Variants in ZFP62 observed in about 807,000 individuals in gnomAD.
ZFP62 encodes zinc finger protein 62 homolog.
ZFP62 carries 44 observed loss-of-function variants against 56.4 expected under a neutral mutation model. That is an observed-to-expected ratio of 0.78 (90% CI 0.61 to 1.00). The LOEUF (loss-of-function observed/expected upper bound fraction) is 1.00. ZFP62 is among the 50% of genes least tolerant of loss of function. The probability of loss-of-function intolerance (pLI) is 0.00; values close to 1 mark genes in which losing one functional copy is unlikely to be tolerated. For missense variants in ZFP62, 1,030 were observed against 1,085.7 expected (o/e 0.95, Z 0.72); for synonymous variants, 421 against 388.9 (o/e 1.08, Z -0.97).
intron 1 of ZFP62, among the ~76,000 whole-genome samples, chr5:180,854,130 T>A (rs1346154813): frequency 6.6e-6 from 1 of 152,162 alleles, no homozygotes; most frequent in Admixed American, 6.5e-5. Context: ...TTACCATTAT[T>A]TACTAAAAGG....
chr5:180,849,750 A>C lies in ZFP62; in HGVS notation c.1745T>G (p.Val582Gly). The stretch of plus-strand genomic sequence containing the variant: ...CTTAAAGGGCTTCTCCCCAGGGTGT[A>C]CACTTTTATGATTTATAAGGCTCGA... ...SLSSLINHKSVHPGEKPFKCD... is the reference protein window; with the variant it reads ...SLSSLINHKSGHPGEKPFKCD... Residue 582 changes from valine (V) to glycine (G), a missense_variant, in exon 2 of 2, where the codon GTA becomes GGA. Coordinates refer to ENST00000502412, the MANE Select transcript of ZFP62 (RefSeq NM_001172638.2). 2 of 1,551,898 alleles carry C rather than the reference A, an allele frequency of 1.3e-6. 1 individual carries two copies. The highest frequency in any genetic ancestry group is 3.3e-4 in the Middle Eastern group (2 of 5,996).
At chr5:180,851,857 G>T in intron 1 of ZFP62, 3 of 253,378 alleles carry the variant, frequency 1.2e-5, no homozygotes, top group Non-Finnish European at 2.0e-5. Flanking sequence ...AAACAAGAGG[G>T]CAGAAGAAAT....
the ZFP62 span, chr5:180,831,648 C>G: frequency 6.6e-6 from 1 of 152,596 alleles, no homozygotes; most frequent in Non-Finnish European, 1.5e-5. Context: ...CCGAGCTGCG[C>G]ACACCCGGGT....
chr5:180,845,596 T>C (rs964490834), downstream of ZFP62: 7 of 472,478 alleles, frequency 1.5e-5, no homozygotes, highest in African/African-American at 1.0e-4. Flanking sequence ...ATTGAAGTAC[T>C]GTATTCTGCT....
At chr5:180,856,464 C>T (rs1034973224) in intron 1 of ZFP62, among the ~76,000 whole-genome samples, 4 of 152,142 alleles carry the variant, frequency 2.6e-5, no homozygotes, top group Non-Finnish European at 5.9e-5. Flanking sequence ...ATAAACAATA[C>T]TGGAGATGCA....
rs1756067356 is a variant in ZFP62 at position 180,861,191 on chromosome 5, G to C, written c.1+28C>G. On this transcript the variant is annotated intron_variant, in intron 1 of 1. Transcript: ENST00000502412. ...CGTGGCAGGCAAGGGCCGGGGGCGG[G>C]AGCGCGGGCGGCCGCGGACTCACGT... The C allele has an allele frequency of 2.0e-5, 8 of 398,260 alleles. No homozygotes were observed. The Admixed American group carries it at 3.5e-4, about 18-fold the overall frequency. 24.7% of individuals were successfully genotyped at this position (398,260 alleles called of 1,614,324 possible). A position where few individuals can be genotyped will look rare whatever the true frequency, so the allele number is the denominator to read the frequency against.
rs1243838637 is a variant in ZFP62 at position 180,847,906 on chromosome 5, T to C, written c.*886A>G. ...CAGCATTTCTATTCATAGGAATCCC[T>C]GAATCACTTCTGTCATGTAAGGTGC... On this transcript the variant is annotated 3_prime_UTR_variant, in exon 2 of 2. Coordinates refer to ENST00000502412, the MANE Select transcript of ZFP62 (RefSeq NM_001172638.2). 16 of 985,366 alleles carry C rather than the reference T, an allele frequency of 1.6e-5. No individual in the cohort carries two copies. Among genetic ancestry groups the C allele is most frequent in the Non-Finnish European group, 2.4e-6 (2 of 829,946 alleles). The allele number at this position is 985,366 out of a possible 1,614,324, so 61.0% of individuals were successfully genotyped here. A position where few individuals can be genotyped will look rare whatever the true frequency, so the allele number is the denominator to read the frequency against.
chr5:180,857,213 G>A (rs1774033502), intron 1 of ZFP62, among the ~76,000 whole-genome samples: 3 of 152,114 alleles, frequency 2.0e-5, no homozygotes, highest in South Asian at 4.1e-4. Context: ...ACTTGGATAT[G>A]CGTTTTGGAA....
the ZFP62 span, chr5:180,830,652 C>CTG: frequency 6.6e-6 from 1 of 151,984 alleles, no homozygotes; most frequent in Non-Finnish European, 1.5e-5. Flanking sequence ...CCATCAGGGT[C>CTG]TCAGTCAGTC....
chr5:180,849,685 G>A lies in ZFP62; in HGVS notation c.1810C>T (p.Leu604Phe). The A allele has an allele frequency of 2.6e-6, 4 of 1,551,822 alleles. No individual in the cohort carries two copies. Among genetic ancestry groups the A allele is most frequent in the East Asian group, 2.4e-5 (1 of 40,908 alleles). The change falls in exon 2 of 2, where the codon CTT (leucine) becomes TTT (phenylalanine). Residue 604 changes from leucine to phenylalanine, a missense_variant. Leu to Phe is a conservative substitution (Grantham distance 22). Transcript: ENST00000502412. ...CEKAFITYRT[L>F]TNHKKVHLGE... ...AGATGAACTTTTTTGTGGTTTGTAA[G>A]GGTTCGGTATGTGATGAAGGCCTTC... is the stretch of plus-strand genomic sequence containing the variant.
At position 180,855,073 on chromosome 5, in the gene ZFP62, G is replaced by A. The variant is rs530475192; in HGVS notation, c.2-3580C>T. On this transcript the variant is annotated intron_variant, in intron 1 of 1. Transcript: ENST00000502412. ...CTATCCCAATCCTTAGGAAATATACGCTGAAGTATTTAGGGATAAAGGGCC... is the reference window on the plus strand; with the variant it reads ...CTATCCCAATCCTTAGGAAATATACACTGAAGTATTTAGGGATAAAGGGCC... Among the ~76,000 whole-genome samples the A allele has an allele frequency of 6.6e-5, 10 of 152,240 alleles. No homozygotes were observed. In the South Asian group the frequency reaches 1.2e-3, roughly 19 times the overall value.
At chr5:180,847,542 A>G (rs530220594), downstream of ZFP62, 17 of 970,144 alleles carry the variant, frequency 1.8e-5, no homozygotes, top group African/African-American at 1.8e-4. Flanking sequence ...TGGATCTGGT[A>G]TAACTTACCC....
chr5:180,842,380 G>C, the ZFP62 span, among the ~76,000 whole-genome samples: 6 of 152,146 alleles, frequency 3.9e-5, no homozygotes, highest in East Asian at 1.2e-3. Flanking sequence ...TAAAAGCCCA[G>C]AGTATACAAA....
the ZFP62 span, among the ~76,000 whole-genome samples, chr5:180,841,300 CATATATATATACATACACACATATATAT>C: frequency 1.7e-5 from 2 of 119,960 alleles, no homozygotes; most frequent in East Asian, 5.2e-4. Flanking sequence ...TATACATACA[CATATATATATACATACACACATATATAT>C]ATATATATAT....
At chr5:180,834,114 G>A in the ZFP62 span, among the ~76,000 whole-genome samples, 5 of 152,274 alleles carry the variant, frequency 3.3e-5, no homozygotes, top group Non-Finnish European at 4.4e-5. Context: ...AACTAATTAG[G>A]CCATGATGGT....
chr5:180,848,857 A>C lies in ZFP62; in HGVS notation c.2638T>G (p.Ser880Ala). 1 of 1,551,418 alleles carries C rather than the reference A, an allele frequency of 6.4e-7. No individual in the cohort carries two copies. The highest frequency in any genetic ancestry group is 8.7e-7 in the Non-Finnish European group (1 of 1,146,764). ...VIYVGSYSGT[S>A]QKRTYEGGNA... ...CCTCCCTCATAGGTTCTCTTCTGGG[A>C]TGTGCCACTATAACTTCCCACATAT... is the stretch of plus-strand genomic sequence containing the variant. The change falls in exon 2 of 2, where the codon TCC becomes GCC. Residue 880 changes from serine (S) to alanine (A), a missense_variant. Coordinates refer to ENST00000502412, the MANE Select transcript of ZFP62 (RefSeq NM_001172638.2).
the ZFP62 span, chr5:180,834,731 C>T: frequency 1.3e-5 from 2 of 152,292 alleles, no homozygotes; most frequent in African/African-American, 4.8e-5. Context: ...GGACCCTGAT[C>T]TTCTGGTGGG....
At chr5:180,844,186 G>C (rs1773366039), downstream of ZFP62, among the ~76,000 whole-genome samples, 1 of 152,170 alleles carries the variant, frequency 6.6e-6, no homozygotes, top group African/African-American at 2.4e-5. Flanking sequence ...TAAAAAGATA[G>C]TCAATTTAAC....
the ZFP62 span, chr5:180,831,149 C>A: frequency 2.6e-5 from 4 of 154,246 alleles, no homozygotes; most frequent in South Asian, 7.6e-4. Context: ...GTGGACGGGT[C>A]GCTGCGCGCC....
Sources: gnomAD v4.1 joint callset for allele counts (sites outside exome capture counted in the v4.1 genomes callset) on GRCh38, gnomAD v4.1.1 for gene constraint, MANE v1.5 for transcripts, NCBI Gene and HGNC (gene_info 2026-07-23, HGNC 2026-07-21) for gene names.